The following PLCB1 variants were observed in gnomAD, a reference collection of about 807,000 sequenced individuals.
PLCB1 encodes 1-phosphatidylinositol 4,5-bisphosphate phosphodiesterase beta-1.
A neutral mutation model predicts 161.8 loss-of-function variants in PLCB1; 46 were observed. The ratio of observed to expected loss-of-function variants is 0.28; its 90% CI spans 0.22 to 0.36. The LOEUF is 0.36. Ranked by LOEUF, PLCB1 falls within the 10% of genes least tolerant of loss-of-function variation. The pLI is 1.00. For missense variants in PLCB1, 1,016 were observed against 1,472.5 expected (o/e 0.69, Z 5.07); for synonymous variants, 517 against 503.7 (o/e 1.03, Z -0.35).
chr20:8,329,588 C>T (rs2122186744), intron 2 of PLCB1, among the ~76,000 whole-genome samples: 1 of 152,210 alleles, frequency 6.6e-6, no homozygotes, highest in Non-Finnish European at 1.5e-5. Flanking sequence ...TACAATGATC[C>T]AGGTTCTTCG....
At chr20:8,154,938 T>A (rs1454737461) in intron 2 of PLCB1, among the ~76,000 whole-genome samples, 1 of 152,196 alleles carries the variant, frequency 6.6e-6, no homozygotes, top group South Asian at 2.1e-4. Context: ...TCCAACTACC[T>A]CCCCACTTTT....
chr20:8,393,929 A>T (rs1395224602), intron 3 of PLCB1, among the ~76,000 whole-genome samples: 1 of 152,180 alleles, frequency 6.6e-6, no homozygotes, highest in African/African-American at 2.4e-5. Context: ...TAAACCAGAA[A>T]GGCCTTTTTC....
At chr20:8,769,561 C>A (rs1982562819) in intron 26 of PLCB1, among the ~76,000 whole-genome samples, 1 of 152,120 alleles carries the variant, frequency 6.6e-6, no homozygotes, top group Admixed American at 6.5e-5. Context: ...AATCCAACGA[C>A]CTTCACAGCT....
chr20:8,273,596 C>G (rs1432218454), intron 2 of PLCB1, among the ~76,000 whole-genome samples: 2 of 152,214 alleles, frequency 1.3e-5, no homozygotes, highest in East Asian at 3.9e-4. Flanking sequence ...AAACCTAACC[C>G]CGCTGGCTGA....
intron 3 of PLCB1, among the ~76,000 whole-genome samples, chr20:8,409,128 A>T (rs1978921676): frequency 6.6e-6 from 1 of 152,210 alleles, no homozygotes; most frequent in African/African-American, 2.4e-5. Context: ...TTAGCTGAAG[A>T]TGCAAAAACC....
intron 15 of PLCB1, 53 bp from the exon 16 acceptor site, chr20:8,724,603 T>G: frequency 1.0e-6 from 1 of 982,182 alleles, no homozygotes; most frequent in Non-Finnish European, 1.6e-6. Flanking sequence ...GGAAAATAAC[T>G]GATAATATAA....
intron 31 of PLCB1, among the ~76,000 whole-genome samples, chr20:8,869,193 A>AT (rs35310371): frequency 3.1e-4 from 47 of 151,594 alleles, no homozygotes; most frequent in African/African-American, 6.0e-4. Context: ...TATCTTGATT[A>AT]TTTTTTTTTA....
chr20:8,521,723 T>C (rs779692460), intron 3 of PLCB1, among the ~76,000 whole-genome samples: 5 of 152,192 alleles, frequency 3.3e-5, no homozygotes, highest in Non-Finnish European at 5.9e-5. Flanking sequence ...ATACATCCAA[T>C]GATCCAATGG....
At chr20:8,205,116 AC>A (rs1978457237) in intron 2 of PLCB1, among the ~76,000 whole-genome samples, 4 of 152,318 alleles carry the variant, frequency 2.6e-5, no homozygotes, top group Middle Eastern at 3.4e-3. Flanking sequence ...AGTGAAAAAA[AC>A]ATTATTTAAA....
chr20:8,241,682 A>G (rs898774620), intron 2 of PLCB1, among the ~76,000 whole-genome samples: 2 of 151,876 alleles, frequency 1.3e-5, no homozygotes, highest in African/African-American at 2.4e-5. Flanking sequence ...GTATCAGGAA[A>G]TGGAGGCTGA....
chr20:8,418,146 G>A (rs961368229), intron 3 of PLCB1, among the ~76,000 whole-genome samples: 1 of 152,194 alleles, frequency 6.6e-6, no homozygotes, highest in Non-Finnish European at 1.5e-5. Context: ...CTCTCATTTT[G>A]TGTCCAGCTT....
At chr20:8,202,058 G>A (rs1238391726) in intron 2 of PLCB1, among the ~76,000 whole-genome samples, 3 of 152,062 alleles carry the variant, frequency 2.0e-5, no homozygotes, top group Non-Finnish European at 4.4e-5. Context: ...ATTTTATAAT[G>A]TTGTTCTTTT....
At chr20:8,530,002 C>T (rs1568495243) in intron 3 of PLCB1, among the ~76,000 whole-genome samples, 1 of 152,126 alleles carries the variant, frequency 6.6e-6, no homozygotes, top group Non-Finnish European at 1.5e-5. Flanking sequence ...AGCTGTGTGG[C>T]TCCACATCCT....
chr20:8,828,357 A>G (rs757133241), intron 31 of PLCB1, among the ~76,000 whole-genome samples: 2 of 151,360 alleles, frequency 1.3e-5, no homozygotes, highest in Non-Finnish European at 2.9e-5. Context: ...GACAATATGA[A>G]ACAAGGAAAT....
intron 17 of PLCB1, among the ~76,000 whole-genome samples, chr20:8,727,952 T>A (rs1289806453): frequency 2.0e-5 from 3 of 151,978 alleles, no homozygotes; most frequent in African/African-American, 7.2e-5. Context: ...TAAAATAAAG[T>A]GAAACAGGCT....
chr20:8,614,941 T>C (rs1473704372), intron 3 of PLCB1, among the ~76,000 whole-genome samples: 1 of 152,150 alleles, frequency 6.6e-6, no homozygotes, highest in East Asian at 1.9e-4. Context: ...TGCTTGAACT[T>C]TTTATGAGCA....
At chr20:8,551,104 T>C (rs1233526904) in intron 3 of PLCB1, among the ~76,000 whole-genome samples, 1 of 152,206 alleles carries the variant, frequency 6.6e-6, no homozygotes, top group Non-Finnish European at 1.5e-5. Context: ...AATGACTGCA[T>C]TTCATCATAA....
At chr20:8,504,346 A>G (rs1983542427) in intron 3 of PLCB1, among the ~76,000 whole-genome samples, 1 of 152,240 alleles carries the variant, frequency 6.6e-6, no homozygotes, top group Admixed American at 6.5e-5. Flanking sequence ...CAAAACAAAC[A>G]ACATGGCCAC....
intron 31 of PLCB1, among the ~76,000 whole-genome samples, chr20:8,804,328 AC>A (rs1439226546): frequency 6.6e-6 from 1 of 152,184 alleles, no homozygotes; most frequent in Non-Finnish European, 1.5e-5. Context: ...CAACTGAGAT[AC>A]CCACTGGGGA....
Sources: allele counts gnomAD v4.1 joint callset (sites outside exome capture counted in the v4.1 genomes callset), GRCh38; gene constraint gnomAD v4.1.1; transcripts MANE v1.5; gene names NCBI Gene and HGNC (gene_info 2026-07-23, HGNC 2026-07-21).